The following ZNG1E variants were observed in gnomAD, a reference collection of about 807,000 sequenced individuals.
ZNG1E encodes zinc-regulated GTPase metalloprotein activator 1E.
chr9:65,673,638 C>CAAAAAG, the ZNG1E span, among the ~76,000 whole-genome samples: 1 of 152,088 alleles, frequency 6.6e-6, no homozygotes, highest in African/African-American at 2.4e-5. Context: ...CTGTCTCTAC[C>CAAAAAG]AAAAAGAAAA....
the ZNG1E span, among the ~76,000 whole-genome samples, chr9:65,684,914 G>T: frequency 6.6e-6 from 1 of 152,188 alleles, no homozygotes; most frequent in African/African-American, 2.4e-5. Flanking sequence ...TTTTGGCCGG[G>T]TGTGATGTGA....
chr9:65,660,923 C>T, the ZNG1E span, among the ~76,000 whole-genome samples: 44 of 145,254 alleles, frequency 3.0e-4, no homozygotes, highest in East Asian at 7.7e-3. Context: ...AGATAAGGAG[C>T]TTACAAGAAT....
the ZNG1E span, among the ~76,000 whole-genome samples, chr9:65,721,642 A>G: frequency 0.075 from 7,941 of 105,224 alleles, 33 homozygotes; most frequent in African/African-American, 0.21. Flanking sequence ...TTTCAAACGT[A>G]CATAAGAGTA....
chr9:65,706,656 CTT>C, the ZNG1E span: 1 of 119,048 alleles, frequency 8.4e-6, no homozygotes, highest in Non-Finnish European at 1.7e-5. Context: ...GAAGCTTACA[CTT>C]TTCCTCTTTT....
chr9:65,673,619 A>G, the ZNG1E span, among the ~76,000 whole-genome samples: 1 of 152,362 alleles, frequency 6.6e-6, no homozygotes, highest in African/African-American at 2.4e-5. Flanking sequence ...TGGACAACAT[A>G]GTGAGACCCT....
At chr9:65,687,205 T>C in the ZNG1E span, among the ~76,000 whole-genome samples, 1 of 138,932 alleles carries the variant, frequency 7.2e-6, no homozygotes, top group Admixed American at 7.7e-5. Flanking sequence ...AGGATATTAA[T>C]TGGCCTAGTT....
chr9:65,663,143 T>G, the ZNG1E span, among the ~76,000 whole-genome samples: 7 of 152,396 alleles, frequency 4.6e-5, no homozygotes, highest in African/African-American at 1.7e-4. Flanking sequence ...ATTATATTGC[T>G]TTTCTCTCCA....
chr9:65,692,323 AT>A, the ZNG1E span, among the ~76,000 whole-genome samples: 1 of 14,506 alleles, frequency 6.9e-5, no homozygotes, highest in Non-Finnish European at 1.5e-4. Flanking sequence ...TTAATTTAAA[AT>A]TTTTATTTGT....
chr9:65,668,010 T>G, the ZNG1E span, among the ~76,000 whole-genome samples: 1 of 141,060 alleles, frequency 7.1e-6, no homozygotes, highest in Non-Finnish European at 1.6e-5. Flanking sequence ...AAAAAAAAAA[T>G]GATGAATGAT....
the ZNG1E span, among the ~76,000 whole-genome samples, chr9:65,684,540 A>ACG: frequency 1.4e-5 from 2 of 141,712 alleles, no homozygotes; most frequent in Non-Finnish European, 3.0e-5. Flanking sequence ...GTATACACAC[A>ACG]CACACGCACG....
the ZNG1E span, among the ~76,000 whole-genome samples, chr9:65,657,531 C>G: frequency 1.3e-5 from 2 of 152,250 alleles, no homozygotes; most frequent in Non-Finnish European, 1.5e-5. Context: ...AACAGTTGAA[C>G]TCAGGGAGAT....
At chr9:65,703,805 G>C in the ZNG1E span, 7 of 971,614 alleles carry the variant, frequency 7.2e-6, no homozygotes, top group Non-Finnish European at 7.3e-6. Context: ...CTGCCATTAA[G>C]TGTTAGGCAG....
chr9:65,679,971 G>A, the ZNG1E span, among the ~76,000 whole-genome samples: 1 of 152,264 alleles, frequency 6.6e-6, no homozygotes, highest in African/African-American at 2.4e-5. Flanking sequence ...TTTATTATCT[G>A]CAATGCAGTT....
the ZNG1E span, among the ~76,000 whole-genome samples, chr9:65,684,915 T>C: frequency 4.6e-5 from 7 of 152,164 alleles, no homozygotes; most frequent in Non-Finnish European, 1.0e-4. Flanking sequence ...TTTGGCCGGG[T>C]GTGATGTGAC....
the ZNG1E span, among the ~76,000 whole-genome samples, chr9:65,663,885 T>C: frequency 1.3e-5 from 2 of 152,060 alleles, no homozygotes; most frequent in African/African-American, 2.4e-5. Context: ...TCTATAGTAC[T>C]CCCTGAGGTA....
the ZNG1E span, among the ~76,000 whole-genome samples, chr9:65,661,120 T>C: frequency 6.8e-6 from 1 of 147,732 alleles, no homozygotes. Context: ...AAAATTATCC[T>C]GATTTTAACA....
At chr9:65,687,471 G>T in the ZNG1E span, among the ~76,000 whole-genome samples, 26 of 152,212 alleles carry the variant, frequency 1.7e-4, no homozygotes, top group Non-Finnish European at 3.7e-4. Flanking sequence ...TACTTGGCTA[G>T]GTATAAAATT....
At chr9:65,678,480 GT>G in the ZNG1E span, among the ~76,000 whole-genome samples, 1 of 141,202 alleles carries the variant, frequency 7.1e-6, no homozygotes, top group African/African-American at 2.8e-5. Flanking sequence ...TAGCCTACAT[GT>G]AAAAGTTTTT....
chr9:65,728,456 A>G, the ZNG1E span, among the ~76,000 whole-genome samples: 1 of 100,922 alleles, frequency 9.9e-6, no homozygotes, highest in African/African-American at 4.9e-5. Flanking sequence ...TTGAAAAGAT[A>G]AATAAAATTG....
Sources: allele counts gnomAD v4.1 joint callset (sites outside exome capture counted in the v4.1 genomes callset), GRCh38; gene constraint gnomAD v4.1.1; transcripts MANE v1.5; gene names NCBI Gene and HGNC (gene_info 2026-07-23, HGNC 2026-07-21).